Variants in PTPRD observed in about 807,000 individuals in gnomAD.
The protein encoded by PTPRD is protein tyrosine phosphatase receptor type D.
Under a neutral mutation model 214.5 loss-of-function variants are expected in PTPRD, and 34 were observed. The ratio of observed to expected loss-of-function variants is 0.16; its 90% CI spans 0.12 to 0.21. PTPRD has a LOEUF of 0.21. Among genes scored for constraint, PTPRD ranks in the 10% least tolerant of loss-of-function variants. The pLI, the probability that PTPRD is intolerant of heterozygous loss-of-function variation, is 1.00. For missense variants in PTPRD, 2,545 were observed against 2,398.7 expected (o/e 1.06, Z -1.27); for synonymous variants, 1,128 against 845.7 (o/e 1.33, Z -5.79).
chr9:9,907,362 C>G (rs1441135983), intron 5 of PTPRD, among the ~76,000 whole-genome samples: 1 of 151,874 alleles, frequency 6.6e-6, no homozygotes, highest in African/African-American at 2.4e-5. Flanking sequence ...GTGGCTGAAG[C>G]AATAGAAATT....
intron 9 of PTPRD, among the ~76,000 whole-genome samples, chr9:9,287,942 AT>A (rs1236542257): frequency 1.3e-5 from 2 of 151,436 alleles, no homozygotes; most frequent in Non-Finnish European, 2.9e-5. Context: ...TTCAATTTTA[AT>A]TTTCCCCATC....
chr9:9,734,055 T>C (rs1375128321), intron 7 of PTPRD, among the ~76,000 whole-genome samples: 1 of 152,186 alleles, frequency 6.6e-6, no homozygotes, highest in Non-Finnish European at 1.5e-5. Flanking sequence ...AAAAGATCAG[T>C]GTGTTCAGTG....
intron 2 of PTPRD, among the ~76,000 whole-genome samples, chr9:10,416,337 C>A (rs532748925): frequency 1.3e-5 from 2 of 151,754 alleles, no homozygotes; most frequent in South Asian, 2.1e-4. Flanking sequence ...CCAGCCTGGG[C>A]AAGAGAGTAT....
At chr9:8,722,943 T>A (rs910985598) in intron 12 of PTPRD, among the ~76,000 whole-genome samples, 1 of 152,246 alleles carries the variant, frequency 6.6e-6, no homozygotes, top group Non-Finnish European at 1.5e-5. Context: ...AGTGAGTTTA[T>A]AACTTGATCA....
intron 2 of PTPRD, among the ~76,000 whole-genome samples, chr9:10,588,465 T>C (rs966886649): frequency 1.0e-5 from 1 of 95,966 alleles, no homozygotes; most frequent in African/African-American, 3.6e-5. Context: ...CTCACAATGA[T>C]AGTTATACAA....
intron 3 of PTPRD, among the ~76,000 whole-genome samples, chr9:10,127,779 A>G (rs1256206421): frequency 1.3e-5 from 2 of 152,036 alleles, no homozygotes; most frequent in Non-Finnish European, 2.9e-5. Context: ...GCAATAATCT[A>G]TTTTGATCTC....
intron 2 of PTPRD, among the ~76,000 whole-genome samples, chr9:10,518,740 G>A (rs1003466468): frequency 3.5e-4 from 53 of 151,910 alleles, no homozygotes; most frequent in African/African-American, 1.1e-3. Flanking sequence ...TACCGTGTTA[G>A]CCAAGATGGT....
intron 8 of PTPRD, among the ~76,000 whole-genome samples, chr9:9,544,043 T>G (rs970028314): frequency 3.3e-5 from 5 of 151,610 alleles, no homozygotes; most frequent in Non-Finnish European, 7.4e-5. Flanking sequence ...TCTTCTCTTG[T>G]AGAAAATGCA....
intron 37 of PTPRD, among the ~76,000 whole-genome samples, chr9:8,388,920 T>C (rs530197160): frequency 7.2e-5 from 11 of 152,300 alleles, no homozygotes; most frequent in Middle Eastern, 3.4e-3. Context: ...ATGGTGTTTT[T>C]GAAAGAGGTT....
chr9:9,614,936 A>C (rs1332104827), intron 7 of PTPRD, among the ~76,000 whole-genome samples: 1 of 152,180 alleles, frequency 6.6e-6, no homozygotes, highest in African/African-American at 2.4e-5. Flanking sequence ...AATTTGTTTA[A>C]GCATTTCTCC....
intron 2 of PTPRD, among the ~76,000 whole-genome samples, chr9:10,451,027 G>A (rs949817060): frequency 8.6e-5 from 13 of 151,926 alleles, no homozygotes; most frequent in Non-Finnish European, 1.9e-4. Flanking sequence ...TTAATAACAT[G>A]ATAGATAATC....
At chr9:8,785,302 T>G (rs192042488) in intron 11 of PTPRD, among the ~76,000 whole-genome samples, 87 of 152,308 alleles carry the variant, frequency 5.7e-4, no homozygotes, top group African/African-American at 1.9e-3. Context: ...ATTGAAGATG[T>G]TAAGAGTTAG....
chr9:10,469,687 T>A (rs1035368581), intron 2 of PTPRD, among the ~76,000 whole-genome samples: 1 of 152,140 alleles, frequency 6.6e-6, no homozygotes, highest in African/African-American at 2.4e-5. Flanking sequence ...AAAAACTGCA[T>A]ATAAAAGAGT....
At chr9:8,898,792 TCAGA>T (rs1273913311) in intron 11 of PTPRD, among the ~76,000 whole-genome samples, 1 of 152,104 alleles carries the variant, frequency 6.6e-6, no homozygotes, top group Admixed American at 6.5e-5. Context: ...ACCATGCATA[TCAGA>T]CAGAGAAGTC....
chr9:10,069,249 C>A (rs1024180616), intron 3 of PTPRD, among the ~76,000 whole-genome samples: 15 of 152,016 alleles, frequency 9.9e-5, no homozygotes, highest in Middle Eastern at 6.8e-3. Flanking sequence ...ACAAGAATCC[C>A]AGAATATAAG....
intron 3 of PTPRD, among the ~76,000 whole-genome samples, chr9:10,299,626 C>T (rs745335304): frequency 1.3e-5 from 2 of 152,114 alleles, no homozygotes; most frequent in Non-Finnish European, 2.9e-5. Flanking sequence ...CAAGGCAGTG[C>T]TCTCTCACCC....
chr9:8,586,930 G>A (rs915541092), intron 14 of PTPRD, among the ~76,000 whole-genome samples: 1 of 152,206 alleles, frequency 6.6e-6, no homozygotes, highest in African/African-American at 2.4e-5. Context: ...GGCGGACCAT[G>A]AGGTCGGAAG....
Position 10,405,031 on chromosome 9 carries a change from A to T in PTPRD, c.-599-64014T>A, listed in dbSNP as rs982629591. ...AAAGGGCCAGCTTCAGACTGATGTAATTTCATCCCTTCTTGCTTGTGAACA... is the reference window on the plus strand; with the variant it reads ...AAAGGGCCAGCTTCAGACTGATGTATTTTCATCCCTTCTTGCTTGTGAACA... On this transcript the variant is annotated intron_variant, in intron 2 of 45. Coordinates refer to ENST00000381196, the MANE Select transcript of PTPRD (RefSeq NM_002839.4). Among the ~76,000 whole-genome samples the T allele has an allele frequency of 3.0e-3, 22 of 7,404 alleles. 8 individuals are homozygous for T. Among genetic ancestry groups the T allele is most frequent in the Admixed American group, 0.01 (6 of 584 alleles). 4.9% of individuals were successfully genotyped at this position (7,404 alleles called of 152,430 possible).
At chr9:10,326,573 T>G (rs1243409758) in intron 3 of PTPRD, among the ~76,000 whole-genome samples, 1 of 151,684 alleles carries the variant, frequency 6.6e-6, no homozygotes, top group African/African-American at 2.4e-5. Flanking sequence ...CATTTTTTAC[T>G]TTCAAATTGC....
Sources: gnomAD v4.1 joint callset for allele counts (sites outside exome capture counted in the v4.1 genomes callset) on GRCh38, gnomAD v4.1.1 for gene constraint, MANE v1.5 for transcripts, NCBI Gene and HGNC (gene_info 2026-07-23, HGNC 2026-07-21) for gene names.